The following PELI1 variants were observed in gnomAD, a reference collection of about 807,000 sequenced individuals.
The protein encoded by PELI1 is pellino E3 ubiquitin protein ligase 1, also known as E3 ubiquitin-protein ligase pellino homolog 1.
Under a neutral mutation model 41.3 loss-of-function variants are expected in PELI1, and 15 were observed. The ratio of observed to expected loss-of-function variants is 0.36; its 90% confidence interval spans 0.24 to 0.56. The LOEUF is 0.56. PELI1 is among the 20% of genes least tolerant of loss of function. The probability of loss-of-function intolerance (pLI) is 0.82; values close to 1 mark genes in which losing one functional copy is unlikely to be tolerated. For missense variants in PELI1, 403 were observed against 525.5 expected, an observed-to-expected ratio of 0.77 and a Z score of 2.28; for synonymous variants, 178 against 180.1, an observed-to-expected ratio of 0.99 and a Z score of 0.09.
chr2:64,098,764 A>G (rs1249318734), intron 4 of PELI1, among the ~76,000 whole-genome samples: 1 of 152,244 alleles, frequency 6.6e-6, no homozygotes, highest in African/African-American at 2.4e-5. Context: ...AGACAATCCT[A>G]GAATGTTTCC....
intron 3 of PELI1, 73 bp downstream of exon 3, chr2:64,104,628 G>A: frequency 6.8e-7 from 1 of 1,469,586 alleles, no homozygotes. Context: ...GAATGCTAGA[G>A]AATACAAACA....
At position 64,139,028 on chromosome 2, in the gene PELI1, A is replaced by T. The variant is rs138222730; in HGVS notation, c.-70+5053T>A. On this transcript the variant is annotated intron_variant, in intron 1 of 6. Transcript: ENST00000358912. The stretch of plus-strand genomic sequence containing the variant: ...ACACATCACATTTTAAGTTGTAAAC[A>T]CTTCATTATACATCTCTAAAAGAAC... Among the ~76,000 whole-genome samples, 73 of 152,354 alleles carry T rather than the reference A, an allele frequency of 4.8e-4. 1 individual carries two copies. In the East Asian group the frequency reaches 0.013, roughly 28 times the overall value.
intron 1 of PELI1, among the ~76,000 whole-genome samples, chr2:64,128,375 T>C (rs1681455276): frequency 6.6e-6 from 1 of 152,152 alleles, no homozygotes; most frequent in African/African-American, 2.4e-5. Context: ...ATAATAATAA[T>C]AGTATTAAAA....
intron 1 of PELI1, among the ~76,000 whole-genome samples, chr2:64,116,531 T>G (rs918570671): frequency 6.6e-6 from 1 of 152,228 alleles, no homozygotes; most frequent in Non-Finnish European, 1.5e-5. Flanking sequence ...CTTTTCATAA[T>G]GGCTAACACT....
intron 4 of PELI1, among the ~76,000 whole-genome samples, chr2:64,098,707 A>T (rs1319761889): frequency 6.6e-6 from 1 of 152,212 alleles, no homozygotes; most frequent in Non-Finnish European, 1.5e-5. Flanking sequence ...TGGAGTTGGA[A>T]TATCTGATGA....
intron 3 of PELI1, among the ~76,000 whole-genome samples, chr2:64,102,251 T>A (rs1317122684): frequency 6.9e-6 from 1 of 144,374 alleles, no homozygotes; most frequent in Non-Finnish European, 1.5e-5. Flanking sequence ...TTTACATGCA[T>A]GTTTTACATA....
chr2:64,140,402 T>C lies in PELI1; in HGVS notation c.-70+3679A>G, dbSNP rs527746959. ...AGTACTATGTAGAACCCCATTTCTC[T>C]GAAGTGGAGTTTATGTGGCAAAAAG... On this transcript the variant is annotated intron_variant, in intron 1 of 6. Transcript: ENST00000358912. Among the ~76,000 whole-genome samples, 104 of 152,280 alleles carry C rather than the reference T, an allele frequency of 6.8e-4. 1 individual carries two copies. Among genetic ancestry groups the C allele is most frequent in the African/African-American group, 2.5e-3 (102 of 41,548 alleles).
intron 1 of PELI1, among the ~76,000 whole-genome samples, chr2:64,132,613 A>AG (rs1681591671): frequency 6.6e-6 from 1 of 152,198 alleles, no homozygotes; most frequent in African/African-American, 2.4e-5. Context: ...CATTCTGGAA[A>AG]GGGAAAAACA....
At chr2:64,122,762 A>G (rs757427113) in intron 1 of PELI1, among the ~76,000 whole-genome samples, 3 of 152,156 alleles carry the variant, frequency 2.0e-5, no homozygotes, top group Non-Finnish European at 4.4e-5. Flanking sequence ...TCTAACTCCA[A>G]TCCTTTTGAG....
At chr2:64,139,108 T>TTCATTCTAA (rs1467298360) in intron 1 of PELI1, among the ~76,000 whole-genome samples, 5 of 152,210 alleles carry the variant, frequency 3.3e-5, no homozygotes, top group Admixed American at 6.5e-5. Flanking sequence ...TTTCATTAAA[T>TTCATTCTAA]ATCCAGAGTC....
At chr2:64,137,808 G>C (rs992118179) in intron 1 of PELI1, among the ~76,000 whole-genome samples, 16 of 152,078 alleles carry the variant, frequency 1.1e-4, no homozygotes, top group African/African-American at 3.9e-4. Flanking sequence ...TAAAAACAAG[G>C]AGCAAATACA....
At chr2:64,126,371 C>T (rs1681384073) in intron 1 of PELI1, among the ~76,000 whole-genome samples, 1 of 152,154 alleles carries the variant, frequency 6.6e-6, no homozygotes, top group South Asian at 2.1e-4. Flanking sequence ...ATCATGTTGG[C>T]CAGGACGGTC....
Position 64,093,224 on chromosome 2 carries a change from A to G in PELI1, c.*1478T>C, listed in dbSNP as rs193298669. 4.2e-3 allele frequency: 649 copies of G among 152,776 alleles called. 2 individuals are homozygous for G. The highest frequency in any genetic ancestry group is 6.3e-3 in the Non-Finnish European group (430 of 68,032). The allele number at this position is 152,776 out of a possible 1,614,324, so 9.5% of individuals were successfully genotyped here. A position where few individuals can be genotyped will look rare whatever the true frequency, so the allele number is the denominator to read the frequency against. On this transcript the variant is annotated 3_prime_UTR_variant, in exon 7 of 7. Coordinates refer to ENST00000358912, the MANE Select transcript of PELI1 (RefSeq NM_020651.4). ...TTTTGTTTTTTAAAAACCAAAAGAA[A>G]ATTCAGAACAGTTTTGTAATAGGAT...
At chr2:64,096,954 T>C (rs1034329768) in intron 4 of PELI1, among the ~76,000 whole-genome samples, 3 of 152,216 alleles carry the variant, frequency 2.0e-5, no homozygotes, top group Non-Finnish European at 2.9e-5. Flanking sequence ...TTTTTCTCTT[T>C]AGAGATATTT....
chr2:64,097,873 C>T (rs1395998259), intron 4 of PELI1, among the ~76,000 whole-genome samples: 2 of 152,108 alleles, frequency 1.3e-5, no homozygotes, highest in African/African-American at 4.8e-5. Flanking sequence ...AACTAGTTAA[C>T]AAATATAAGA....
intron 1 of PELI1, among the ~76,000 whole-genome samples, chr2:64,121,852 C>T (rs866027689): frequency 1.3e-4 from 20 of 151,306 alleles, no homozygotes; most frequent in South Asian, 1.0e-3. Flanking sequence ...TTGTGGTGAG[C>T]CGAGATCACG....
At chr2:64,105,146 CCTT>C (rs1680579566) in intron 2 of PELI1, among the ~76,000 whole-genome samples, 1 of 152,044 alleles carries the variant, frequency 6.6e-6, no homozygotes, top group Admixed American at 6.5e-5. Flanking sequence ...ATGTCTGACT[CCTT>C]ATGACTCATT....
intron 1 of PELI1, among the ~76,000 whole-genome samples, chr2:64,112,109 CTTAT>C (rs55807304): frequency 0.076 from 11,482 of 152,034 alleles, 617 homozygotes; most frequent in African/African-American, 0.16. Context: ...TTAAAATAAG[CTTAT>C]TTAAAGGAGT....
Position 64,102,984 on chromosome 2 carries a change from G to A in PELI1, c.201+1717C>T, listed in dbSNP as rs185396677. Among the ~76,000 whole-genome samples the A allele has an allele frequency of 1.2e-4, 18 of 151,934 alleles. No individual in the cohort carries two copies. The East Asian group carries it at 2.7e-3, about 23-fold the overall frequency. ...CAGCCTGCCAAGTAGCTGGGACTTC[G>A]GGGCATGCCACCACGCTTGGCTAAT... On this transcript the variant is annotated intron_variant, in intron 3 of 6. Coordinates refer to ENST00000358912, the MANE Select transcript of PELI1 (RefSeq NM_020651.4).
Sources: gnomAD v4.1 joint callset for allele counts (sites outside exome capture counted in the v4.1 genomes callset) on GRCh38, gnomAD v4.1.1 for gene constraint, MANE v1.5 for transcripts, NCBI Gene and HGNC (gene_info 2026-07-23, HGNC 2026-07-21) for gene names.